Variants in RCAN2 observed in about 807,000 individuals in gnomAD.
RCAN2 encodes regulator of calcineurin 2.
In RCAN2, 9 loss-of-function variants were observed where a neutral mutation model predicts 23.6. The ratio of observed to expected loss-of-function variants is 0.38; its 90% confidence interval spans 0.23 to 0.67. The LOEUF (loss-of-function observed/expected upper bound fraction) is 0.67, where lower values mean the gene tolerates loss of function less well. Ranked by LOEUF, RCAN2 falls within the 30% of genes least tolerant of loss-of-function variation. RCAN2 has a pLI of 0.51. For missense variants in RCAN2, 273 were observed against 302.3 expected, an observed-to-expected ratio of 0.90 and a Z score of 0.72; for synonymous variants, 109 against 115.7, an observed-to-expected ratio of 0.94 and a Z score of 0.37.
At chr6:46,262,827 C>T (rs1442112530) in intron 2 of RCAN2, among the ~76,000 whole-genome samples, 1 of 152,148 alleles carries the variant, frequency 6.6e-6, no homozygotes, top group Non-Finnish European at 1.5e-5. Flanking sequence ...TTATTCTGTG[C>T]CTGCAAGCCT....
chr6:46,272,053 G>A (rs968994578), intron 2 of RCAN2, among the ~76,000 whole-genome samples: 2 of 152,132 alleles, frequency 1.3e-5, no homozygotes, highest in African/African-American at 4.8e-5. Context: ...CTTTTTAATT[G>A]TGAAGAAGTT....
At chr6:46,285,204 T>C (rs550174560) in intron 2 of RCAN2, among the ~76,000 whole-genome samples, 106 of 152,370 alleles carry the variant, frequency 7.0e-4, no homozygotes, top group African/African-American at 2.5e-3. Context: ...CATGTAATGT[T>C]CACCACCATT....
At chr6:46,264,416 G>A (rs1191817898) in intron 2 of RCAN2, among the ~76,000 whole-genome samples, 2 of 152,154 alleles carry the variant, frequency 1.3e-5, no homozygotes, top group African/African-American at 4.8e-5. Flanking sequence ...AACTTCTTAT[G>A]ATTCAATCAT....
chr6:46,346,595 T>C (rs1582128043), intron 2 of RCAN2, among the ~76,000 whole-genome samples: 1 of 152,096 alleles, frequency 6.6e-6, no homozygotes, highest in Non-Finnish European at 1.5e-5. Flanking sequence ...AGTAGGTTCT[T>C]AAAGGAATTA....
intron 4 of RCAN2, among the ~76,000 whole-genome samples, chr6:46,238,251 C>T (rs1169080752): frequency 6.6e-6 from 1 of 152,180 alleles, no homozygotes; most frequent in East Asian, 1.9e-4. Flanking sequence ...TCACCTCTTC[C>T]ACTCTTCTTT....
At chr6:46,444,445 A>C (rs1767642402) in intron 2 of RCAN2, among the ~76,000 whole-genome samples, 1 of 152,232 alleles carries the variant, frequency 6.6e-6, no homozygotes, top group South Asian at 2.1e-4. Context: ...TATATTCTTT[A>C]TTTCCAAAAG....
intron 2 of RCAN2, among the ~76,000 whole-genome samples, chr6:46,269,198 A>G (rs932074311): frequency 2.6e-5 from 4 of 152,146 alleles, no homozygotes; most frequent in African/African-American, 9.6e-5. Flanking sequence ...TGCATCTATT[A>G]TCTGTTTTTC....
At chr6:46,275,570 T>C (rs1767668074) in intron 2 of RCAN2, among the ~76,000 whole-genome samples, 1 of 152,196 alleles carries the variant, frequency 6.6e-6, no homozygotes, top group Non-Finnish European at 1.5e-5. Flanking sequence ...CATAAAATCT[T>C]TTTTGTTGGC....
chr6:46,362,649 T>C (rs1244890979), intron 2 of RCAN2, among the ~76,000 whole-genome samples: 1 of 152,138 alleles, frequency 6.6e-6, no homozygotes, highest in Non-Finnish European at 1.5e-5. Context: ...TGTAACTTGG[T>C]TTCCAGAGGG....
At chr6:46,227,281 T>G (rs1465353517) in intron 4 of RCAN2, among the ~76,000 whole-genome samples, 1 of 152,240 alleles carries the variant, frequency 6.6e-6, no homozygotes. Context: ...GGCTTTGGTA[T>G]CAGGATGATG....
At chr6:46,320,199 C>G (rs1763566831) in intron 2 of RCAN2, among the ~76,000 whole-genome samples, 1 of 152,182 alleles carries the variant, frequency 6.6e-6, no homozygotes, top group East Asian at 1.9e-4. Context: ...GATCCTTACC[C>G]TAGTGCTCGC....
At chr6:46,224,767 A>G (rs1252663644) in intron 4 of RCAN2, among the ~76,000 whole-genome samples, 3 of 151,854 alleles carry the variant, frequency 2.0e-5, no homozygotes, top group African/African-American at 7.3e-5. Flanking sequence ...TGGTGCAAAT[A>G]GCAAACTTTC....
chr6:46,238,518 C>A (rs531531309), intron 4 of RCAN2, among the ~76,000 whole-genome samples: 1 of 152,254 alleles, frequency 6.6e-6, no homozygotes, highest in South Asian at 2.1e-4. Context: ...TCACATTGAG[C>A]AGCACTGAGC....
At chr6:46,284,672 G>C (rs1762311688) in intron 2 of RCAN2, among the ~76,000 whole-genome samples, 1 of 152,146 alleles carries the variant, frequency 6.6e-6, no homozygotes, top group Admixed American at 6.5e-5. Flanking sequence ...GAACAGGCTG[G>C]TGCCCGAGTG....
At chr6:46,401,834 C>T (rs554833333) in intron 2 of RCAN2, among the ~76,000 whole-genome samples, 19 of 152,298 alleles carry the variant, frequency 1.2e-4, no homozygotes, top group Non-Finnish European at 2.5e-4. Flanking sequence ...TGAGCTTCTG[C>T]CTCCATAATG....
chr6:46,230,399 C>A (rs1265297245), intron 4 of RCAN2, among the ~76,000 whole-genome samples: 1 of 152,204 alleles, frequency 6.6e-6, no homozygotes, highest in Non-Finnish European at 1.5e-5. Context: ...GCAGGCAGGC[C>A]TCCTTGAGCT....
At chr6:46,292,652 C>A (rs1762605107) in intron 2 of RCAN2, among the ~76,000 whole-genome samples, 1 of 152,062 alleles carries the variant, frequency 6.6e-6, no homozygotes, top group African/African-American at 2.4e-5. Flanking sequence ...TCCTTCTTGT[C>A]AAGTAAACTT....
chr6:46,356,563 G>A (rs533063529), intron 2 of RCAN2, among the ~76,000 whole-genome samples: 24 of 152,258 alleles, frequency 1.6e-4, no homozygotes, highest in African/African-American at 5.1e-4. Context: ...TTTCAGATAT[G>A]GATGCAACTG....
intron 1 of RCAN2, among the ~76,000 whole-genome samples, chr6:46,488,947 C>A (rs191106524): frequency 6.6e-6 from 1 of 152,214 alleles, no homozygotes; most frequent in Non-Finnish European, 1.5e-5. Context: ...ACCCCACCTC[C>A]TCACACCTCC....
Sources: gnomAD v4.1 joint callset for allele counts (sites outside exome capture counted in the v4.1 genomes callset) on GRCh38, gnomAD v4.1.1 for gene constraint, MANE v1.5 for transcripts, NCBI Gene and HGNC (gene_info 2026-07-23, HGNC 2026-07-21) for gene names.